The following TENM3 variants were observed in gnomAD, a reference collection of about 807,000 sequenced individuals.
TENM3 encodes teneurin transmembrane protein 3, also known as teneurin-3.
Under a neutral mutation model 255.1 loss-of-function variants are expected in TENM3, and 63 were observed. That is an observed-to-expected ratio of 0.25 (90% CI 0.20 to 0.30). The LOEUF (loss-of-function observed/expected upper bound fraction) is 0.30. Among genes scored for constraint, TENM3 ranks in the 10% least tolerant of loss-of-function variants. The pLI, the probability that TENM3 is intolerant of heterozygous loss-of-function variation, is 1.00. For missense variants in TENM3, 2,929 were observed against 3,461.1 expected (o/e 0.85, Z 3.86); for synonymous variants, 1,306 against 1,322.3 (o/e 0.99, Z 0.27).
the TENM3 span, among the ~76,000 whole-genome samples, chr4:181,759,037 C>A: frequency 6.2e-4 from 94 of 152,206 alleles, no homozygotes; most frequent in African/African-American, 2.2e-3. Flanking sequence ...ACCAGTAGCT[C>A]TTAACTATTC....
chr4:182,149,339 A>G (rs1277660851), intron 1 of TENM3, among the ~76,000 whole-genome samples: 1 of 152,018 alleles, frequency 6.6e-6, no homozygotes, highest in African/African-American at 2.4e-5. Flanking sequence ...TGAAACTACA[A>G]TAGGATTCAT....
At chr4:182,186,893 G>A (rs1157776775) in intron 1 of TENM3, among the ~76,000 whole-genome samples, 1 of 146,178 alleles carries the variant, frequency 6.8e-6, no homozygotes. Context: ...TGGTGTGAGG[G>A]TGGAGGTAGG....
chr4:182,059,756 A>AAG, the TENM3 span, among the ~76,000 whole-genome samples: 1 of 128,874 alleles, frequency 7.8e-6, no homozygotes. Context: ...AAAAAAAAAA[A>AAG]AAAAAAGAAA....
chr4:182,625,489 C>T (rs1334009357), intron 4 of TENM3, among the ~76,000 whole-genome samples: 1 of 152,164 alleles, frequency 6.6e-6, no homozygotes, highest in African/African-American at 2.4e-5. Flanking sequence ...CCTCCCCACC[C>T]CCCTATTCCT....
chr4:182,044,328 A>G, the TENM3 span, among the ~76,000 whole-genome samples: 1 of 152,226 alleles, frequency 6.6e-6, no homozygotes, highest in Non-Finnish European at 1.5e-5. Context: ...AGATGTCTTG[A>G]GTGTGCCTGT....
At chr4:182,055,126 C>A in the TENM3 span, among the ~76,000 whole-genome samples, 1 of 152,098 alleles carries the variant, frequency 6.6e-6, no homozygotes, top group South Asian at 2.1e-4. Context: ...GCGGGCAGAT[C>A]GCTTGAGCCC....
chr4:182,437,590 G>A (rs1772141866), intron 3 of TENM3, among the ~76,000 whole-genome samples: 1 of 152,118 alleles, frequency 6.6e-6, no homozygotes, highest in Non-Finnish European at 1.5e-5. Flanking sequence ...GAGGTCAAGA[G>A]TTAGAGACCA....
In TENM3 at chr4:182,769,974, C is replaced by T. The variant is rs568391629; in HGVS notation, c.4893-3498C>T. Among the ~76,000 whole-genome samples the T allele has an allele frequency of 5.9e-5, 9 of 151,462 alleles. No homozygotes were observed. In the South Asian group the frequency reaches 1.0e-3, roughly 18 times the overall value. ...TACAAAAATTACCTGGGCGTGGTGG[C>T]GGGGGCCTCTAATCCTAGCTACTCA... On this transcript the variant is annotated intron_variant, in intron 22 of 27. Transcript: ENST00000511685.
the TENM3 span, among the ~76,000 whole-genome samples, chr4:181,701,805 T>C: frequency 2.0e-5 from 3 of 152,240 alleles, no homozygotes; most frequent in Admixed American, 1.3e-4. Flanking sequence ...CATTTATTTA[T>C]ACACAATAAA....
the TENM3 span, among the ~76,000 whole-genome samples, chr4:181,553,577 G>C: frequency 1.3e-5 from 2 of 151,848 alleles, no homozygotes; most frequent in Non-Finnish European, 2.9e-5. Context: ...GAGTAGCTGG[G>C]ACTACGGGTG....
chr4:182,483,097 A>G (rs1734354861), intron 3 of TENM3, among the ~76,000 whole-genome samples: 1 of 152,146 alleles, frequency 6.6e-6, no homozygotes, highest in African/African-American at 2.4e-5. Flanking sequence ...ACAATTTCAT[A>G]TTCAAGCTTT....
intron 3 of TENM3, among the ~76,000 whole-genome samples, chr4:182,456,186 A>G (rs1449811209): frequency 6.6e-6 from 1 of 152,226 alleles, no homozygotes; most frequent in Non-Finnish European, 1.5e-5. Context: ...ATAATGGCTT[A>G]CATAGGAGCT....
chr4:181,476,253 C>T, the TENM3 span, among the ~76,000 whole-genome samples: 1 of 147,814 alleles, frequency 6.8e-6, no homozygotes, highest in Admixed American at 6.7e-5. Flanking sequence ...AACCCTAGCA[C>T]CAGGAATATT....
At chr4:181,800,448 ATGG>A in the TENM3 span, among the ~76,000 whole-genome samples, 1 of 152,164 alleles carries the variant, frequency 6.6e-6, no homozygotes, top group Non-Finnish European at 1.5e-5. Flanking sequence ...CCTGACCAAT[ATGG>A]TGAAACCCTG....
the TENM3 span, among the ~76,000 whole-genome samples, chr4:182,115,191 A>G: frequency 6.6e-6 from 1 of 152,296 alleles, no homozygotes; most frequent in East Asian, 1.9e-4. Flanking sequence ...AAAAATAAAA[A>G]TAAAATATCT....
the TENM3 span, among the ~76,000 whole-genome samples, chr4:181,468,266 C>T: frequency 2.6e-5 from 4 of 151,988 alleles, no homozygotes; most frequent in African/African-American, 9.7e-5. Context: ...AGAGTGAGGC[C>T]CTCTCTCAAA....
chr4:182,398,840 G>A (rs952554824), intron 3 of TENM3, among the ~76,000 whole-genome samples: 2 of 152,192 alleles, frequency 1.3e-5, no homozygotes, highest in African/African-American at 4.8e-5. Flanking sequence ...AGCACCTTGG[G>A]TTCTACGCGA....
chr4:182,554,981 G>A (rs770596949), intron 3 of TENM3, among the ~76,000 whole-genome samples: 20 of 151,650 alleles, frequency 1.3e-4, no homozygotes, highest in Non-Finnish European at 2.8e-4. Flanking sequence ...GAACTATTGT[G>A]GTCTCTTTAT....
intron 3 of TENM3, among the ~76,000 whole-genome samples, chr4:182,520,559 G>T (rs1319067866): frequency 6.6e-6 from 1 of 152,288 alleles, no homozygotes; most frequent in East Asian, 1.9e-4. Context: ...TCAAAAAGCA[G>T]ATACAAAAGA....
Sources: allele counts gnomAD v4.1 joint callset (sites outside exome capture counted in the v4.1 genomes callset), GRCh38; gene constraint gnomAD v4.1.1; transcripts MANE v1.5; gene names NCBI Gene and HGNC (gene_info 2026-07-23, HGNC 2026-07-21).